CEP70: variants seen among roughly 807,000 people sequenced by gnomAD.
The protein encoded by CEP70 is centrosomal protein of 70 kDa.
CEP70 carries 70 observed loss-of-function variants against 90.9 expected under a neutral mutation model. The observed-to-expected ratio is 0.77, with a 90% confidence interval of 0.64 to 0.94. The LOEUF (loss-of-function observed/expected upper bound fraction) is 0.94, where lower values mean the gene tolerates loss of function less well. Among genes scored for constraint, CEP70 ranks in the 40% least tolerant of loss-of-function variants. CEP70 has a pLI of 0.00. For missense variants in CEP70, 648 were observed against 669.0 expected (o/e 0.97, Z 0.35); for synonymous variants, 220 against 228.3 (o/e 0.96, Z 0.33).
intron 13 of CEP70, 59 bp downstream of exon 13, chr3:138,505,236 A>G: frequency 7.8e-7 from 1 of 1,283,996 alleles, no homozygotes; most frequent in Non-Finnish European, 1.0e-6. Context: ...AAGTCCTATT[A>G]ATAAAGCACA....
chr3:138,569,591 GGTGCA>G (rs2041025055), intron 6 of CEP70, among the ~76,000 whole-genome samples: 1 of 152,182 alleles, frequency 6.6e-6, no homozygotes, highest in South Asian at 2.1e-4. Context: ...ATGCCAGCCA[GGTGCA>G]GTGCCCCACA....
intron 1 of CEP70, among the ~76,000 whole-genome samples, chr3:138,592,575 G>A (rs1357331355): frequency 1.3e-5 from 2 of 152,088 alleles, no homozygotes; most frequent in East Asian, 1.9e-4. Flanking sequence ...GGTAGGAGTC[G>A]GAGGGTAGGA....
At chr3:138,571,695 T>C (rs1399385541) in intron 3 of CEP70, among the ~76,000 whole-genome samples, 1 of 152,180 alleles carries the variant, frequency 6.6e-6, no homozygotes, top group African/African-American at 2.4e-5. Context: ...AACCAAGCCC[T>C]GCTCAGAATA....
At chr3:138,503,410 C>T (rs893768723) in intron 13 of CEP70, among the ~76,000 whole-genome samples, 2 of 152,080 alleles carry the variant, frequency 1.3e-5, no homozygotes, top group African/African-American at 4.8e-5. Flanking sequence ...TTTGCTTATC[C>T]ATTCATCCCT....
At chr3:138,543,103 C>T (rs1455114250) in intron 6 of CEP70, among the ~76,000 whole-genome samples, 1 of 152,204 alleles carries the variant, frequency 6.6e-6, no homozygotes, top group African/African-American at 2.4e-5. Context: ...CTCCACCTGG[C>T]ACTGGCAGCC....
intron 11 of CEP70, among the ~76,000 whole-genome samples, chr3:138,519,840 C>T (rs1241671207): frequency 1.3e-5 from 2 of 152,046 alleles, no homozygotes; most frequent in Non-Finnish European, 2.9e-5. Flanking sequence ...CAATATTAAC[C>T]TTAAATGTAA....
chr3:138,539,999 T>C (rs1331711209), intron 6 of CEP70, among the ~76,000 whole-genome samples: 1 of 152,084 alleles, frequency 6.6e-6, no homozygotes, highest in East Asian at 1.9e-4. Context: ...AGCTTCTGCA[T>C]AGCAAAAGTA....
At chr3:138,572,403 GTT>G (rs34665494) in intron 3 of CEP70, among the ~76,000 whole-genome samples, 1 of 152,102 alleles carries the variant, frequency 6.6e-6, no homozygotes, top group African/African-American at 2.4e-5. Context: ...CATTGATGTT[GTT>G]TTAGGAGCCA....
Position 138,572,903 on chromosome 3 carries a change from G to C in CEP70, c.25C>G (p.Gln9Glu). 4 of 1,611,060 alleles carry C rather than the reference G, an allele frequency of 2.5e-6. No homozygotes were observed. The highest frequency in any genetic ancestry group is 3.4e-6 in the Non-Finnish European group (4 of 1,178,094). The change falls in exon 3 of 18, where the codon CAG (glutamine) becomes GAG (glutamate). Residue 9 changes from glutamine to glutamate, a missense_variant. Transcript: ENST00000264982. Reference protein sequence around the residue: MFPVAPKPQDSSQPSDRLM... With the variant: MFPVAPKPEDSSQPSDRLM... ...CTGTCTGATGGTTGACTGGAATCCT[G>C]GGGTTTAGGGGCTACCGGAAACATA...
At chr3:138,573,117 G>A (rs938767691) in intron 2 of CEP70, 185 bp from the exon 3 acceptor site, 9 of 582,986 alleles carry the variant, frequency 1.5e-5, no homozygotes, top group African/African-American at 1.5e-4. Context: ...CTGATTGTAA[G>A]ACTCATTTGA....
intron 12 of CEP70, among the ~76,000 whole-genome samples, chr3:138,507,328 A>G (rs2035078224): frequency 6.6e-6 from 1 of 152,202 alleles, no homozygotes; most frequent in Non-Finnish European, 1.5e-5. Context: ...TGATTCAAAA[A>G]GGTTAAGGTG....
chr3:138,569,680 T>A (rs1576881650), intron 6 of CEP70, among the ~76,000 whole-genome samples: 2 of 152,166 alleles, frequency 1.3e-5, no homozygotes, highest in African/African-American at 4.8e-5. Flanking sequence ...CCAGCCTAGG[T>A]AACATGGCAA....
At chr3:138,509,694 A>AT (rs529787254) in intron 11 of CEP70, among the ~76,000 whole-genome samples, 10 of 151,032 alleles carry the variant, frequency 6.6e-5, no homozygotes, top group Admixed American at 2.6e-4. Flanking sequence ...TTTTTATTTT[A>AT]TTTTTTTTTA....
At chr3:138,525,345 C>T (rs2037114674) in intron 11 of CEP70, 145 bp downstream of exon 11, 1 of 249,682 alleles carries the variant, frequency 4.0e-6, no homozygotes, top group Non-Finnish European at 7.2e-6. Context: ...AGCACACCAA[C>T]ATGGCACATG....
In CEP70 at chr3:138,538,591, A is replaced by G. The variant is rs150207750; in HGVS notation, c.466-1244T>C. Among the ~76,000 whole-genome samples, 335 of 152,358 alleles carry G rather than the reference A, an allele frequency of 2.2e-3. 2 individuals are homozygous for G. Among genetic ancestry groups the G allele is most frequent in the African/African-American group, 3.7e-3 (152 of 41,578 alleles). On this transcript the variant is annotated intron_variant, in intron 6 of 17. Transcript: ENST00000264982. ...GAAAACTGAAATAACTAATCCTTCA[A>G]TGAGAAGACATAGATATATGTCCAC...
chr3:138,515,723 ATC>A (rs1560305537), intron 11 of CEP70, among the ~76,000 whole-genome samples: 4 of 152,122 alleles, frequency 2.6e-5, no homozygotes, highest in African/African-American at 9.7e-5. Context: ...AATGAAGACT[ATC>A]TATCTCTACG....
At chr3:138,504,941 G>T in intron 13 of CEP70, among the ~76,000 whole-genome samples, 1 of 152,212 alleles carries the variant, frequency 6.6e-6, no homozygotes, top group South Asian at 2.1e-4. Flanking sequence ...GAAAATCGCA[G>T]CATGGAGATA....
At chr3:138,593,447 T>C (rs936687267) in intron 1 of CEP70, among the ~76,000 whole-genome samples, 2 of 152,184 alleles carry the variant, frequency 1.3e-5, no homozygotes, top group Non-Finnish European at 2.9e-5. Context: ...GGTCTCGAAC[T>C]CCTGACCTCA....
chr3:138,503,923 TA>T (rs1398035201), intron 13 of CEP70, among the ~76,000 whole-genome samples: 1 of 152,256 alleles, frequency 6.6e-6, no homozygotes, highest in African/African-American at 2.4e-5. Context: ...TTTTTTAGTA[TA>T]TTTTGTCTAA....
Sources: allele counts gnomAD v4.1 joint callset (sites outside exome capture counted in the v4.1 genomes callset), GRCh38; gene constraint gnomAD v4.1.1; transcripts MANE v1.5; gene names NCBI Gene and HGNC (gene_info 2026-07-23, HGNC 2026-07-21).